The following FGF14 variants were observed in gnomAD, a reference collection of about 807,000 sequenced individuals.
FGF14 encodes the protein fibroblast growth factor 14.
Under a neutral mutation model 25.5 loss-of-function variants are expected in FGF14, and 5 were observed. That is an observed-to-expected ratio of 0.20 (90% CI 0.10 to 0.41). The LOEUF (loss-of-function observed/expected upper bound fraction) is 0.41, where lower values mean the gene tolerates loss of function less well. Among genes scored for constraint, FGF14 ranks in the 10% least tolerant of loss-of-function variants. The pLI is 1.00. For missense variants in FGF14, 222 were observed against 320.1 expected, an observed-to-expected ratio of 0.69 and a Z score of 2.34; for synonymous variants, 138 against 118.3, an observed-to-expected ratio of 1.17 and a Z score of -1.08.
At chr13:102,129,077 T>C (rs1452352972) in intron 1 of FGF14, among the ~76,000 whole-genome samples, 2 of 151,740 alleles carry the variant, frequency 1.3e-5, no homozygotes. Flanking sequence ...TCAAAATAAA[T>C]AAATTAATTA....
intron 1 of FGF14, among the ~76,000 whole-genome samples, chr13:102,080,533 T>TA (rs2140192151): frequency 6.6e-6 from 1 of 152,354 alleles, no homozygotes; most frequent in East Asian, 1.9e-4. Flanking sequence ...TGAGGATATT[T>TA]AATAATCACT....
intron 1 of FGF14, among the ~76,000 whole-genome samples, chr13:101,882,703 G>C (rs960455447): frequency 3.9e-5 from 6 of 152,096 alleles, no homozygotes; most frequent in African/African-American, 1.4e-4. Context: ...ATATATTTAA[G>C]AAGTAACATT....
chr13:102,055,075 C>T (rs941720094), intron 1 of FGF14, among the ~76,000 whole-genome samples: 3 of 152,198 alleles, frequency 2.0e-5, no homozygotes, highest in Admixed American at 2.0e-4. Context: ...TCTCACCATA[C>T]CCACTTAAAG....
chr13:102,298,668 C>A (rs1010523015), intron 1 of FGF14, among the ~76,000 whole-genome samples: 2 of 152,028 alleles, frequency 1.3e-5, no homozygotes, highest in African/African-American at 4.8e-5. Flanking sequence ...ACTCTAGACA[C>A]AAGGGTGATT....
chr13:101,895,341 G>T (rs1029446449), intron 1 of FGF14, among the ~76,000 whole-genome samples: 1 of 152,084 alleles, frequency 6.6e-6, no homozygotes, highest in Non-Finnish European at 1.5e-5. Context: ...TCCTTTATAA[G>T]TATAAAGTAA....
intron 1 of FGF14, among the ~76,000 whole-genome samples, chr13:102,268,876 C>T (rs1247091668): frequency 1.3e-5 from 2 of 152,086 alleles, no homozygotes; most frequent in Non-Finnish European, 2.9e-5. Flanking sequence ...ACCATGGCAA[C>T]CAATTTTATC....
chr13:102,080,403 T>C (rs529928535), intron 1 of FGF14, among the ~76,000 whole-genome samples: 1 of 152,280 alleles, frequency 6.6e-6, no homozygotes, highest in East Asian at 1.9e-4. Context: ...GCAGTTTGCT[T>C]AGAGAAGTCT....
intron 3 of FGF14, among the ~76,000 whole-genome samples, chr13:101,741,464 A>T (rs930218928): frequency 5.3e-5 from 8 of 152,180 alleles, no homozygotes; most frequent in African/African-American, 1.9e-4. Flanking sequence ...CCAGTCAGTG[A>T]ATCCATTAAA....
At chr13:101,806,038 G>A (rs955860555) in intron 3 of FGF14, among the ~76,000 whole-genome samples, 10 of 151,606 alleles carry the variant, frequency 6.6e-5, no homozygotes, top group East Asian at 3.9e-4. Flanking sequence ...ATACATATAC[G>A]TAATATATGT....
intron 1 of FGF14, among the ~76,000 whole-genome samples, chr13:102,145,234 G>T (rs2046806086): frequency 6.6e-6 from 1 of 152,114 alleles, no homozygotes; most frequent in South Asian, 2.1e-4. Flanking sequence ...ATGGCAATTG[G>T]GTTTTTTTGG....
intron 3 of FGF14, among the ~76,000 whole-genome samples, chr13:101,805,845 A>G (rs1172396773): frequency 1.3e-5 from 2 of 152,226 alleles, no homozygotes; most frequent in Admixed American, 1.3e-4. Flanking sequence ...AAAATATATC[A>G]AAAAACAAAA....
At chr13:102,352,760 C>A (rs1486444574) in intron 1 of FGF14, among the ~76,000 whole-genome samples, 3 of 146,780 alleles carry the variant, frequency 2.0e-5, no homozygotes, top group Non-Finnish European at 4.4e-5. Context: ...TGCAGTGAGC[C>A]GAGATCGCGC....
chr13:101,965,058 A>T (rs575274663), intron 1 of FGF14, among the ~76,000 whole-genome samples: 1 of 152,242 alleles, frequency 6.6e-6, no homozygotes, highest in Admixed American at 6.5e-5. Context: ...CCTGGCCAAC[A>T]TGGGGAGACC....
At chr13:102,253,643 T>C (rs2052305185) in intron 1 of FGF14, among the ~76,000 whole-genome samples, 1 of 152,190 alleles carries the variant, frequency 6.6e-6, no homozygotes, top group African/African-American at 2.4e-5. Flanking sequence ...ATAGTTTATT[T>C]TGCTGTGCAG....
At position 101,960,892 on chromosome 13, in the gene FGF14, G is replaced by A. The variant is rs564932088; in HGVS notation, c.209-85596C>T. ...TTTTTAATAATCGTCATTCTGACTGGAGTGAGATGGTATCTCATTGTGGTT... is the reference window on the plus strand; with the variant it reads ...TTTTTAATAATCGTCATTCTGACTGAAGTGAGATGGTATCTCATTGTGGTT... On this transcript the variant is annotated intron_variant, in intron 1 of 4. Transcript: ENST00000376131. 3.7e-4 allele frequency among the ~76,000 whole-genome samples: 56 copies of A among 152,290 alleles called. 1 individual carries two copies. Among genetic ancestry groups the A allele is most frequent in the African/African-American group, 1.3e-3 (55 of 41,562 alleles).
intron 3 of FGF14, among the ~76,000 whole-genome samples, chr13:101,727,908 T>C (rs1349879987): frequency 2.6e-5 from 4 of 152,144 alleles, no homozygotes; most frequent in African/African-American, 7.2e-5. Context: ...CTAAAAAATA[T>C]ACACAAAGTT....
intron 1 of FGF14, among the ~76,000 whole-genome samples, chr13:102,114,043 A>C (rs903581001): frequency 6.6e-6 from 1 of 152,228 alleles, no homozygotes; most frequent in African/African-American, 2.4e-5. Flanking sequence ...GCAAAAGAAA[A>C]TATCACAAGA....
intron 1 of FGF14, among the ~76,000 whole-genome samples, chr13:102,010,174 A>G (rs1258697068): frequency 2.6e-5 from 4 of 152,214 alleles, no homozygotes; most frequent in Non-Finnish European, 5.9e-5. Context: ...GAAATGGCAT[A>G]ACTCCTCACT....
intron 1 of FGF14, among the ~76,000 whole-genome samples, chr13:102,264,720 G>A (rs543839670): frequency 6.6e-6 from 1 of 152,144 alleles, no homozygotes; most frequent in African/African-American, 2.4e-5. Flanking sequence ...AGAGGGGAGT[G>A]GTTATTTAAA....
Sources: gnomAD v4.1 joint callset for allele counts (sites outside exome capture counted in the v4.1 genomes callset) on GRCh38, gnomAD v4.1.1 for gene constraint, MANE v1.5 for transcripts, NCBI Gene and HGNC (gene_info 2026-07-23, HGNC 2026-07-21) for gene names.